Variants in ZNF488 observed in about 807,000 individuals in gnomAD.
The protein encoded by ZNF488 is zinc finger protein 488.
In ZNF488, 1 loss-of-function variant was observed where a neutral mutation model predicts 1.2. The observed-to-expected ratio is 0.86, with a 90% CI of 0.30 to 4.07. The LOEUF is 4.07. Among genes scored for constraint, ZNF488 ranks in the 30% most tolerant of loss-of-function variants. The pLI, the probability that ZNF488 is intolerant of heterozygous loss-of-function variation, is 0.18. For synonymous variants in ZNF488, 185 were observed against 190.1 expected, an observed-to-expected ratio of 0.97 and a Z score of 0.22; for missense variants, 450 against 437.9, an observed-to-expected ratio of 1.03 and a Z score of -0.25.
At position 47,366,002 on chromosome 10, in the gene ZNF488, A is replaced by G. The variant is rs555685019; in HGVS notation, c.*1805T>C. 1.1e-4 allele frequency: 19 copies of G among 167,216 alleles called. No individual in the cohort carries two copies. Among genetic ancestry groups the G allele is most frequent in the African/African-American group, 4.6e-4 (19 of 41,582 alleles). The allele number at this position is 167,216 out of a possible 1,614,324, so 10.4% of individuals were successfully genotyped here. On this transcript the variant is annotated 3_prime_UTR_variant, in exon 2 of 2. Transcript: ENST00000585316. ...ATAGCTTCAGGGAAGTGTCAGAAAC[A>G]CTGGAAGTGTTATAGCATCATCTGC...
chr10:47,381,334 T>G (rs183044709), intron 1 of ZNF488, among the ~76,000 whole-genome samples: 245 of 152,378 alleles, frequency 1.6e-3, no homozygotes, highest in African/African-American at 5.7e-3. Context: ...TCCTTTGGTA[T>G]CCCTAGTCTC....
chr10:47,367,503 C>T lies in ZNF488; in HGVS notation c.*304G>A, dbSNP rs1325076964. 9.6e-6 allele frequency: 4 copies of T among 415,856 alleles called. No individual in the cohort carries two copies. Among genetic ancestry groups the T allele is most frequent in the African/African-American group, 6.1e-5 (3 of 49,032 alleles). The allele number at this position is 415,856 out of a possible 1,614,324, so 25.8% of individuals were successfully genotyped here. ...GCTAGTATGTGAAAGAGCCCAGATT[C>T]GAATCCAGGCTTGTGTGCCTCCAAA... On this transcript the variant is annotated 3_prime_UTR_variant, in exon 2 of 2. Coordinates refer to ENST00000585316, the MANE Select transcript of ZNF488 (RefSeq NM_153034.4).
Position 47,368,074 on chromosome 10 carries a change from T to C in ZNF488, c.756A>G (p.Ser252=). 1 of 1,613,972 alleles carries C rather than the reference T, an allele frequency of 6.2e-7. No homozygotes were observed. The highest frequency in any genetic ancestry group is 8.5e-7 in the Non-Finnish European group (1 of 1,179,978). The change falls in exon 2 of 2, where the codon TCA becomes TCG. Residue 252 remains serine, a synonymous_variant. Coordinates refer to ENST00000585316, the MANE Select transcript of ZNF488 (RefSeq NM_153034.4). ...GGGCCCACGAAGTGGTGGAGGATGA[T>C]GAGGGTGGGGGCACCTGGGCCTGGG... ...EHTQAQVPPP[S]SSSTTSWALL...
Position 47,368,553 on chromosome 10 carries a change from T to G in ZNF488, c.277A>C (p.Thr93Pro). 6.2e-7 allele frequency: 1 copy of G among 1,613,304 alleles called. No homozygotes were observed. Among genetic ancestry groups the G allele is most frequent in the Non-Finnish European group, 8.5e-7 (1 of 1,179,960 alleles). Reference protein sequence around the residue: ...PRPGKPLPPKTRGEQRQSAFT... With the variant: ...PRPGKPLPPKPRGEQRQSAFT... ...GCGCTCTGCCTCTGCTCTCCACGTG[T>G]CTTCGGGGGCAGCGGCTTGCCAGGT... The change falls in exon 2 of 2, where the codon ACA (threonine) becomes CCA (proline). Residue 93 changes from threonine (T) to proline (P), a missense_variant. Physicochemically the swap from Thr to Pro is conservative, Grantham distance 38. Transcript: ENST00000585316.
chr10:47,383,276 T>C (rs1479580683), intron 1 of ZNF488, among the ~76,000 whole-genome samples: 1 of 152,252 alleles, frequency 6.6e-6, no homozygotes, highest in East Asian at 1.9e-4. Context: ...ATTAATTTCA[T>C]TTCTGTACAT....
At chr10:47,371,748 C>A (rs1311267476) in intron 1 of ZNF488, among the ~76,000 whole-genome samples, 1 of 152,084 alleles carries the variant, frequency 6.6e-6, no homozygotes, top group Non-Finnish European at 1.5e-5. Flanking sequence ...ATGCTACTTT[C>A]CTAACTGCTC....
chr10:47,368,453 G>T lies in ZNF488; in HGVS notation c.377C>A (p.Thr126Lys), dbSNP rs200206593. 1 of 1,614,052 alleles carries T rather than the reference G, an allele frequency of 6.2e-7. No individual in the cohort carries two copies. The highest frequency in any genetic ancestry group is 1.3e-5 in the African/African-American group (1 of 75,048). ...QAQEREHDDPTGQPGAPQLTQ... is the reference protein window; with the variant it reads ...QAQEREHDDPKGQPGAPQLTQ... ...CAGCTGTGGGGCACCAGGTTGGCCTGTGGGGTCATCGTGCTCCCTCTCCTG... is the reference window on the plus strand; with the variant it reads ...CAGCTGTGGGGCACCAGGTTGGCCTTTGGGGTCATCGTGCTCCCTCTCCTG... The change falls in exon 2 of 2, where the codon ACA becomes AAA. Residue 126 changes from threonine (T) to lysine (K), a missense_variant. Coordinates refer to ENST00000585316, the MANE Select transcript of ZNF488 (RefSeq NM_153034.4).
intron 1 of ZNF488, among the ~76,000 whole-genome samples, chr10:47,377,183 G>C (rs186815846): frequency 6.6e-6 from 1 of 152,318 alleles, no homozygotes; most frequent in Admixed American, 6.5e-5. Context: ...GACAGGAAAG[G>C]AGGAATACGC....
In ZNF488 at chr10:47,372,797, T is replaced by C. The variant is rs550486950; in HGVS notation, c.-108-3860A>G. Among the ~76,000 whole-genome samples the C allele has an allele frequency of 3.9e-5, 6 of 152,338 alleles. No homozygotes were observed. The East Asian group carries it at 7.7e-4, about 20-fold the overall frequency. On this transcript the variant is annotated intron_variant, in intron 1 of 1. Coordinates refer to ENST00000585316, the MANE Select transcript of ZNF488 (RefSeq NM_153034.4). ...GAGAGCACCGACCTCGCCCATGGGATGCCTGCCGCAGTGAGATGCCACGCA... is the reference window on the plus strand; with the variant it reads ...GAGAGCACCGACCTCGCCCATGGGACGCCTGCCGCAGTGAGATGCCACGCA...
intron 1 of ZNF488, among the ~76,000 whole-genome samples, chr10:47,381,652 G>GTCCCAGGATAAGGC (rs1837961785): frequency 1.3e-5 from 2 of 148,556 alleles, no homozygotes; most frequent in Non-Finnish European, 3.0e-5. Context: ...AAGTGCAGGA[G>GTCCCAGGATAAGGC]ACTGCGAACA....
intron 1 of ZNF488, among the ~76,000 whole-genome samples, chr10:47,383,523 A>G (rs1371515792): frequency 2.0e-5 from 3 of 152,214 alleles, no homozygotes; most frequent in Non-Finnish European, 4.4e-5. Context: ...GTCTGTGTCT[A>G]TTAGTAAAGG....
intron 1 of ZNF488, among the ~76,000 whole-genome samples, chr10:47,376,526 C>A (rs1298519411): frequency 6.6e-6 from 1 of 152,182 alleles, no homozygotes; most frequent in Non-Finnish European, 1.5e-5. Context: ...ATTTGCCCAG[C>A]TCTTTGCTCT....
chr10:47,368,618 C>T lies in ZNF488; in HGVS notation c.212G>A (p.Ser71Asn), dbSNP rs558580971. The T allele has an allele frequency of 4.4e-5, 71 of 1,610,462 alleles. No homozygotes were observed. In the South Asian group the frequency reaches 7.0e-4, roughly 16 times the overall value. The stretch of plus-strand genomic sequence containing the variant: ...GGCTACCAACAGTGCCAGCTCCGCA[C>T]TGCCCACATCCCGGCCCGCCCTGCC... ...AVGRAGRDVG[S>N]AELALLVAPG... The change falls in exon 2 of 2, where the codon AGT becomes AAT. Residue 71 changes from serine (S) to asparagine (N), a missense_variant. Coordinates refer to ENST00000585316, the MANE Select transcript of ZNF488 (RefSeq NM_153034.4).
chr10:47,369,026 T>A, intron 1 of ZNF488, 89 bp from the exon 2 acceptor site: 1 of 599,964 alleles, frequency 1.7e-6, no homozygotes, highest in Non-Finnish European at 2.8e-6. Context: ...AGGACCCTGA[T>A]GCTCAGGCCT....
At chr10:47,378,545 A>T (rs1837783931) in intron 1 of ZNF488, among the ~76,000 whole-genome samples, 1 of 152,146 alleles carries the variant, frequency 6.6e-6, no homozygotes, top group Admixed American at 6.5e-5. Context: ...TGCTATGCAT[A>T]AATATAGCCT....
Position 47,368,297 on chromosome 10 carries a change from G to A in ZNF488, c.533C>T (p.Ser178Leu). ...KRPAERPELT[S>L]VFPAGESADA... ...TGCAGATTCCCCTGCAGGGAAGACTGAGGTTAGCTCAGGCCTCTCTGCTGG... is the reference window on the plus strand; with the variant it reads ...TGCAGATTCCCCTGCAGGGAAGACTAAGGTTAGCTCAGGCCTCTCTGCTGG... The change falls in exon 2 of 2, where the codon TCA becomes TTA. Residue 178 changes from serine to leucine, a missense_variant. Ser to Leu is a moderately radical substitution (Grantham distance 145). Transcript: ENST00000585316. 1.2e-6 allele frequency: 2 copies of A among 1,614,238 alleles called. No homozygotes were observed. Among genetic ancestry groups the A allele is most frequent in the Non-Finnish European group, 1.7e-6 (2 of 1,180,052 alleles).
intron 1 of ZNF488, among the ~76,000 whole-genome samples, chr10:47,383,930 AAG>A (rs1838082073): frequency 6.6e-6 from 1 of 152,104 alleles, no homozygotes; most frequent in Admixed American, 6.5e-5. Context: ...AAGAGAGGAA[AAG>A]AGAGAGGGAG....
At chr10:47,375,118 T>A (rs548463227) in intron 1 of ZNF488, among the ~76,000 whole-genome samples, 2 of 152,372 alleles carry the variant, frequency 1.3e-5, no homozygotes, top group East Asian at 3.9e-4. Context: ...TTTCTTGGTA[T>A]GCAGCCAGTG....
chr10:47,367,841 T>G lies in ZNF488; in HGVS notation c.989A>C (p.His330Pro). 1 of 1,613,252 alleles carries G rather than the reference T, an allele frequency of 6.2e-7. No individual in the cohort carries two copies. Among genetic ancestry groups the G allele is most frequent in the South Asian group, 1.1e-5 (1 of 91,038 alleles). Residue 330 changes from histidine to proline, a missense_variant, in exon 2 of 2, where the codon CAC becomes CCC. Transcript: ENST00000585316. ...AGAAGTCATGTGCCGGGAGAGGTGG[T>G]GGCGCTCCCGGAAGTGCTCCTGGCA... Reference protein sequence around the residue: ...PVCQEHFRERHHLSRHMTSHS With the variant: ...PVCQEHFRERPHLSRHMTSHS
Sources: allele counts gnomAD v4.1 joint callset (sites outside exome capture counted in the v4.1 genomes callset), GRCh38; gene constraint gnomAD v4.1.1; transcripts MANE v1.5; gene names NCBI Gene and HGNC (gene_info 2026-07-23, HGNC 2026-07-21).